PCNX1: variants seen among roughly 807,000 people sequenced by gnomAD.
The protein encoded by PCNX1 is pecanex 1, also known as pecanex-like protein 1.
A neutral mutation model predicts 242.2 loss-of-function variants in PCNX1; 78 were observed. That is an observed-to-expected ratio of 0.32 (90% CI 0.27 to 0.39). PCNX1 has a LOEUF of 0.39. PCNX1 is among the 10% of genes least tolerant of loss of function. The pLI, the probability that PCNX1 is intolerant of heterozygous loss-of-function variation, is 1.00. For missense variants in PCNX1, 2,581 were observed against 2,856.5 expected (o/e 0.90, Z 2.20); for synonymous variants, 1,024 against 1,032.9 (o/e 0.99, Z 0.17).
chr14:70,917,189 T>TC (rs2140055567), intron 1 of PCNX1, among the ~76,000 whole-genome samples: 1 of 152,328 alleles, frequency 6.6e-6, no homozygotes, highest in African/African-American at 2.4e-5. Context: ...CTCAAAGTTA[T>TC]CCATGAGGGT....
Position 71,031,716 on chromosome 14 carries a change from C to T in PCNX1, c.3559-1713C>T. ...GCCCCAGAGCTAAGTGGCCTTTGGC[C>T]TTGAACTCTGATGTTTTCTCTCTCA... On this transcript the variant is annotated intron_variant, in intron 16 of 35. Coordinates refer to ENST00000304743, the MANE Select transcript of PCNX1 (RefSeq NM_014982.3). 6.0e-6 allele frequency: 6 copies of T among 999,800 alleles called. No homozygotes were observed. In the South Asian group the frequency reaches 6.6e-5, roughly 11 times the overall value. 61.9% of individuals were successfully genotyped at this position (999,800 alleles called of 1,614,324 possible). A position where few individuals can be genotyped will look rare whatever the true frequency, so the allele number is the denominator to read the frequency against.
At chr14:70,962,189 A>G (rs1447571342) in intron 2 of PCNX1, 37 bp from the exon 3 acceptor site, 1 of 1,209,832 alleles carries the variant, frequency 8.3e-7, no homozygotes, top group Non-Finnish European at 1.2e-6. Flanking sequence ...AGTCAGAATA[A>G]TGACAGTTAC....
Position 70,977,941 on chromosome 14 carries a change from G to A in PCNX1, c.1604G>A (p.Gly535Glu). 1 of 1,614,144 alleles carries A rather than the reference G, an allele frequency of 6.2e-7. No individual in the cohort carries two copies. The highest frequency in any genetic ancestry group is 8.5e-7 in the Non-Finnish European group (1 of 1,180,028). Residue 535 changes from glycine (G) to glutamate (E), a missense_variant, in exon 6 of 36, where the codon GGA becomes GAA. Around this residue, in one of 9 missense-constraint regions of PCNX1, gnomAD observed 1,204 missense variants for 1,216.7 expected, o/e 0.99. Transcript: ENST00000304743. Reference sequence around the variant, plus strand: ...TCCAAAGTGCGTAAAGATGTTGGTGGAAAGCAAAAGGAAGGGGATGTTCGA... The same window carrying A: ...TCCAAAGTGCGTAAAGATGTTGGTGAAAAGCAAAAGGAAGGGGATGTTCGA... ...VDSKVRKDVG[G>E]KQKEGDVRPK...
intron 28 of PCNX1, among the ~76,000 whole-genome samples, chr14:71,082,177 T>A (rs868331049): frequency 1.8e-4 from 27 of 152,190 alleles, no homozygotes; most frequent in African/African-American, 6.5e-4. Context: ...TTTGAGTGAT[T>A]TTCTTAATCC....
At chr14:70,989,696 A>G (rs2059105520) in intron 7 of PCNX1, among the ~76,000 whole-genome samples, 1 of 151,960 alleles carries the variant, frequency 6.6e-6, no homozygotes, top group Non-Finnish European at 1.5e-5. Context: ...TGCCTGGCTA[A>G]TTTTTATATT....
At chr14:71,086,914 C>T (rs1377430985) in intron 28 of PCNX1, among the ~76,000 whole-genome samples, 2 of 152,092 alleles carry the variant, frequency 1.3e-5, no homozygotes, top group Admixed American at 6.6e-5. Flanking sequence ...ATGTATTCTG[C>T]CCAGTCTTTG....
chr14:71,036,211 C>A, intron 19 of PCNX1, 54 bp downstream of exon 19: 2 of 1,127,478 alleles, frequency 1.8e-6, no homozygotes, highest in Non-Finnish European at 2.7e-6. Flanking sequence ...CAGGGTCTCA[C>A]TCTGTCACCC....
intron 13 of PCNX1, among the ~76,000 whole-genome samples, chr14:71,023,661 C>G (rs1260591030): frequency 1.3e-5 from 2 of 152,056 alleles, no homozygotes; most frequent in East Asian, 1.9e-4. Flanking sequence ...ATACCTGAGT[C>G]TGGTGTTAAG....
At chr14:71,031,024 C>A (rs2060367089) in intron 16 of PCNX1, among the ~76,000 whole-genome samples, 1 of 152,130 alleles carries the variant, frequency 6.6e-6, no homozygotes, top group Non-Finnish European at 1.5e-5. Context: ...AAACTTTCTG[C>A]AAACATCACT....
intron 25 of PCNX1, among the ~76,000 whole-genome samples, chr14:71,056,057 A>G (rs1392530622): frequency 6.6e-6 from 1 of 152,212 alleles, no homozygotes; most frequent in African/African-American, 2.4e-5. Flanking sequence ...ACCATTATCT[A>G]AAGTCTGGTT....
In PCNX1 at chr14:70,977,768, C is replaced by T. The variant is rs1394446612; in HGVS notation, c.1431C>T (p.His477=). 2 of 1,614,086 alleles carry T rather than the reference C, an allele frequency of 1.2e-6. No individual in the cohort carries two copies. Among genetic ancestry groups the T allele is most frequent in the Non-Finnish European group, 1.7e-6 (2 of 1,180,020 alleles). ...ACCCCACCCCCTCTGATGAGATGCA[C>T]AACCAGAGAGGTCTCAGCACCTCTG... The part of the protein sequence containing the change: ...AKDPTPSDEM[H]NQRGLSTSAS... The change falls in exon 6 of 36, where the codon CAC becomes CAT. Residue 477 remains histidine (H), a synonymous_variant. Coordinates refer to ENST00000304743, the MANE Select transcript of PCNX1 (RefSeq NM_014982.3).
At position 71,047,787 on chromosome 14, in the gene PCNX1, G is replaced by A. The variant is rs2060905642; in HGVS notation, c.4161-20G>A. The A allele has an allele frequency of 6.3e-7, 1 of 1,585,016 alleles. No homozygotes were observed. Among genetic ancestry groups the A allele is most frequent in the Non-Finnish European group, 8.6e-7 (1 of 1,163,104 alleles). Reference sequence around the variant, plus strand: ...AATGTTTTCAGTCATGAGTTGATTTGTGTTTTCTTTGTGCCACAGATTAGG... The same window carrying A: ...AATGTTTTCAGTCATGAGTTGATTTATGTTTTCTTTGTGCCACAGATTAGG... On this transcript the variant is annotated intron_variant, in intron 21 of 35. Coordinates refer to ENST00000304743, the MANE Select transcript of PCNX1 (RefSeq NM_014982.3).
chr14:70,968,221 T>C lies in PCNX1; in HGVS notation c.492T>C (p.Leu164=), dbSNP rs748745426. 1 of 1,613,370 alleles carries C rather than the reference T, an allele frequency of 6.2e-7. No individual in the cohort carries two copies. The highest frequency in any genetic ancestry group is 1.7e-5 in the Admixed American group (1 of 59,998). The change falls in exon 4 of 36, where the codon CTT becomes CTC. Residue 164 remains leucine, a synonymous_variant. Coordinates refer to ENST00000304743, the MANE Select transcript of PCNX1 (RefSeq NM_014982.3). ...AGATTGGATCTGGTTCCTCGCGTCT[T>C]GGAACAGCAGCAACTATTAAAGGTA... is the stretch of plus-strand genomic sequence containing the variant. ...SNQIGSGSSR[L]GTAATIKGDT...
chr14:71,072,525 A>G (rs1414799510), intron 26 of PCNX1, among the ~76,000 whole-genome samples: 1 of 152,336 alleles, frequency 6.6e-6, no homozygotes, highest in East Asian at 1.9e-4. Flanking sequence ...TTTTAGCCTT[A>G]TCTTTCATCG....
intron 8 of PCNX1, among the ~76,000 whole-genome samples, chr14:71,004,555 T>TA (rs2059600128): frequency 6.6e-6 from 1 of 152,194 alleles, no homozygotes; most frequent in Non-Finnish European, 1.5e-5. Flanking sequence ...GAAACCGTCC[T>TA]CCAATCCCCT....
intron 1 of PCNX1, among the ~76,000 whole-genome samples, chr14:70,913,283 A>T (rs375569359): frequency 6.6e-6 from 1 of 152,216 alleles, no homozygotes; most frequent in East Asian, 1.9e-4. Flanking sequence ...GATGTAGAAT[A>T]GTTGGAGGTG....
chr14:70,938,601 G>T (rs999700891), intron 1 of PCNX1, among the ~76,000 whole-genome samples: 1 of 152,098 alleles, frequency 6.6e-6, no homozygotes, highest in Non-Finnish European at 1.5e-5. Flanking sequence ...TTTTTTGGTT[G>T]TGTCTCTGTC....
At chr14:70,936,930 C>T (rs2057028799) in intron 1 of PCNX1, among the ~76,000 whole-genome samples, 1 of 152,168 alleles carries the variant, frequency 6.6e-6, no homozygotes. Flanking sequence ...TAAATGTCTT[C>T]TTTTGAGAAG....
At chr14:71,030,763 C>G (rs1255638029) in intron 16 of PCNX1, among the ~76,000 whole-genome samples, 2 of 152,070 alleles carry the variant, frequency 1.3e-5, no homozygotes, top group African/African-American at 4.8e-5. Flanking sequence ...TTTCCCTTGG[C>G]CATTAAGCAG....
Sources: allele counts gnomAD v4.1 joint callset (sites outside exome capture counted in the v4.1 genomes callset), GRCh38; gene constraint gnomAD v4.1.1; regional missense constraint gnomAD v4.1.1; transcripts MANE v1.5; gene names NCBI Gene and HGNC (gene_info 2026-07-23, HGNC 2026-07-21).